The following DCHS2 variants were observed in gnomAD, a reference collection of about 807,000 sequenced individuals.
DCHS2 encodes dachsous cadherin-related 2, also known as protocadherin-23.
DCHS2 carries 142 observed loss-of-function variants against 182.4 expected under a neutral mutation model. The observed-to-expected ratio is 0.78, with a 90% CI of 0.68 to 0.89. DCHS2 has a LOEUF of 0.89. Ranked by LOEUF, DCHS2 falls within the 40% of genes least tolerant of loss-of-function variation. The pLI is 0.00. For missense variants in DCHS2, 4,319 were observed against 4,198.6 expected, an observed-to-expected ratio of 1.03 and a Z score of -0.79; for synonymous variants, 1,740 against 1,663.3, an observed-to-expected ratio of 1.05 and a Z score of -1.12.
chr4:154,259,845 C>G (rs1234701379), intron 14 of DCHS2, 89 bp from the exon 15 acceptor site: 1 of 1,360,696 alleles, frequency 7.3e-7, no homozygotes, highest in Non-Finnish European at 9.6e-7. Flanking sequence ...AGTTTTGAGA[C>G]AGAGTCTCGC....
At chr4:154,386,801 C>T (rs992520266) in intron 1 of DCHS2, among the ~76,000 whole-genome samples, 1 of 152,124 alleles carries the variant, frequency 6.6e-6, no homozygotes, top group Non-Finnish European at 1.5e-5. Flanking sequence ...TCTCTATTTG[C>T]CCTTCAGAGG....
At chr4:154,341,919 T>C (rs1453484187) in intron 3 of DCHS2, among the ~76,000 whole-genome samples, 6 of 151,680 alleles carry the variant, frequency 4.0e-5, no homozygotes, top group Non-Finnish European at 2.9e-5. Context: ...TTTAATTTTA[T>C]TTTTTTAATT....
chr4:154,280,119 T>A (rs1343207834), intron 13 of DCHS2, among the ~76,000 whole-genome samples: 1 of 151,936 alleles, frequency 6.6e-6, no homozygotes, highest in African/African-American at 2.4e-5. Context: ...AAAAATTAGA[T>A]AACCTAGATG....
At chr4:154,303,792 AT>A (rs1035627319) in intron 12 of DCHS2, among the ~76,000 whole-genome samples, 3 of 152,190 alleles carry the variant, frequency 2.0e-5, no homozygotes, top group Admixed American at 1.3e-4. Flanking sequence ...CACTCTGTAA[AT>A]TGTTGAAAAC....
At chr4:154,439,078 T>A (rs1560758907) in intron 1 of DCHS2, among the ~76,000 whole-genome samples, 1 of 152,252 alleles carries the variant, frequency 6.6e-6, no homozygotes. Context: ...TAGATATGGC[T>A]ATACCTGTAG....
chr4:154,355,610 G>C (rs1035058662), intron 3 of DCHS2: 2 of 152,058 alleles, frequency 1.3e-5, no homozygotes, highest in African/African-American at 2.4e-5. Context: ...TCTTGCGTGA[G>C]GTCCAAGAAC....
At chr4:154,425,013 C>T (rs932067357) in intron 1 of DCHS2, among the ~76,000 whole-genome samples, 1 of 152,184 alleles carries the variant, frequency 6.6e-6, no homozygotes, top group Admixed American at 6.5e-5. Context: ...GAAGACTGCA[C>T]TGCAGAAAGC....
chr4:154,449,543 G>A (rs1403375754), intron 1 of DCHS2, among the ~76,000 whole-genome samples: 3 of 151,902 alleles, frequency 2.0e-5, no homozygotes, highest in African/African-American at 7.3e-5. Context: ...GCTAATTTTT[G>A]TAATTTTTTT....
At position 154,473,789 on chromosome 4, in the gene DCHS2, A is replaced by G. The variant is rs78616217; in HGVS notation, c.2052+15515T>C. ...CTTGTAAGTTTCCCCAGAAAAAGAA[A>G]CCAACCAGAGTCCAGAATCCTGGAG... On this transcript the variant is annotated intron_variant, in intron 1 of 19. Transcript: ENST00000357232. Among the ~76,000 whole-genome samples, 1,431 of 152,302 alleles carry G rather than the reference A, an allele frequency of 9.4e-3. 10 individuals carry two copies. The highest frequency in any genetic ancestry group is 0.019 in the African/African-American group (797 of 41,572).
At chr4:154,344,335 G>C (rs1578989513) in intron 3 of DCHS2, among the ~76,000 whole-genome samples, 1 of 152,178 alleles carries the variant, frequency 6.6e-6, no homozygotes, top group African/African-American at 2.4e-5. Context: ...TTTGTAAAAA[G>C]CACACTATCT....
In DCHS2 at chr4:154,379,871, T is replaced by C. The variant is rs115844079; in HGVS notation, c.2053-2427A>G. Among the ~76,000 whole-genome samples, 677 of 152,276 alleles carry C rather than the reference T, an allele frequency of 4.4e-3. 4 individuals carry two copies. Among genetic ancestry groups the C allele is most frequent in the African/African-American group, 0.014 (582 of 41,558 alleles). On this transcript the variant is annotated intron_variant, in intron 1 of 19. Coordinates refer to ENST00000357232, the MANE Select transcript of DCHS2 (RefSeq NM_001358235.2). The stretch of plus-strand genomic sequence containing the variant: ...CCAGAATGTGACTTTTGGAGCTATT[T>C]TGAAGTAGTCTAGCTTAGTGGTTCT...
chr4:154,239,438 T>C (rs1731695455), intron 18 of DCHS2, 136 bp from the exon 19 acceptor site: 1 of 1,333,278 alleles, frequency 7.5e-7, no homozygotes, highest in Non-Finnish European at 1.0e-6. Context: ...TTGTTAGACA[T>C]ATTAATTTAT....
Position 154,334,873 on chromosome 4 carries a change from G to C in DCHS2, c.2708C>G (p.Pro903Arg), listed in dbSNP as rs774402105. 3.1e-6 allele frequency: 5 copies of C among 1,609,650 alleles called. No individual in the cohort carries two copies. In the South Asian group the frequency reaches 4.4e-5, roughly 14 times the overall value. ...CATAAGAAATAAGTACTTACTCAAG[G>C]GCTCTCTTGCTTTCACTGTTCCAAT... The part of the protein sequence containing the change: ...SPIGTVKARE[P>R]LNSSEPIFYR... Residue 903 changes from proline (P) to arginine (R), a missense_variant, in exon 4 of 20, where the codon CCC (proline) becomes CGC (arginine). Physicochemically the swap from Pro to Arg is moderately radical, Grantham distance 103 (BLOSUM62 -2). Coordinates refer to ENST00000357232, the MANE Select transcript of DCHS2 (RefSeq NM_001358235.2).
rs145883096 is a variant in DCHS2, at chr4:154,347,313, T to C, written c.2477-12209A>G. On this transcript the variant is annotated intron_variant, in intron 3 of 19. Coordinates refer to ENST00000357232, the MANE Select transcript of DCHS2 (RefSeq NM_001358235.2). ...TCTTAAAAGCAAGGCAAGAAATCTA[T>C]TATTTAGGGTTGATGGAGTAAGAAA... Among the ~76,000 whole-genome samples, 561 of 149,988 alleles carry C rather than the reference T, an allele frequency of 3.7e-3. 12 individuals are homozygous for C. The highest frequency in any genetic ancestry group is 0.014 in the African/African-American group (545 of 40,312).
intron 17 of DCHS2, among the ~76,000 whole-genome samples, chr4:154,241,851 A>C (rs1486721425): frequency 3.3e-5 from 5 of 152,218 alleles, no homozygotes; most frequent in Non-Finnish European, 5.9e-5. Flanking sequence ...ATTTGTAGAT[A>C]TCTCTATGCA....
intron 13 of DCHS2, among the ~76,000 whole-genome samples, chr4:154,294,504 C>T (rs1488970941): frequency 6.6e-6 from 1 of 152,168 alleles, no homozygotes; most frequent in Non-Finnish European, 1.5e-5. Context: ...GCAGAATATC[C>T]TCTCTTTGTA....
intron 4 of DCHS2, chr4:154,334,214 T>C (rs1459287114): frequency 6.6e-6 from 1 of 152,620 alleles, no homozygotes; most frequent in Non-Finnish European, 1.5e-5. Flanking sequence ...CCATAGAGAT[T>C]GAGGGAAGGG....
At chr4:154,374,170 G>T in intron 2 of DCHS2, 1 of 508,532 alleles carries the variant, frequency 2.0e-6, no homozygotes, top group Non-Finnish European at 3.5e-6. Flanking sequence ...AGCATTTGCA[G>T]GGGAGCTTGC....
At position 154,234,365 on chromosome 4, in the gene DCHS2, A is replaced by T; in HGVS notation, c.*171T>A. ...TTAAAAGAGGAAATAACTTTTCATT[A>T]AGGCTGGAAGAAATTGGAGAAACTT... is the stretch of plus-strand genomic sequence containing the variant. On this transcript the variant is annotated 3_prime_UTR_variant, in exon 20 of 20. Transcript: ENST00000357232. 1 of 913,304 alleles carries T rather than the reference A, an allele frequency of 1.1e-6. No individual in the cohort carries two copies. The highest frequency in any genetic ancestry group is 1.6e-6 in the Non-Finnish European group (1 of 635,444). The allele number at this position is 913,304 out of a possible 1,614,324, so 56.6% of individuals were successfully genotyped here. A position where few individuals can be genotyped will look rare whatever the true frequency, so the allele number is the denominator to read the frequency against.
Sources: gnomAD v4.1 joint callset for allele counts (sites outside exome capture counted in the v4.1 genomes callset) on GRCh38, gnomAD v4.1.1 for gene constraint, MANE v1.5 for transcripts, NCBI Gene and HGNC (gene_info 2026-07-23, HGNC 2026-07-21) for gene names.